Variants in ZSCAN1 observed in about 807,000 individuals in gnomAD.
ZSCAN1 encodes the protein zinc finger and SCAN domain containing 1.
A neutral mutation model predicts 23.8 loss-of-function variants in ZSCAN1; 23 were observed. The observed-to-expected ratio is 0.97, with a 90% CI of 0.70 to 1.37. The LOEUF is 1.37. ZSCAN1 is among the 40% of genes most tolerant of loss of function. ZSCAN1 has a pLI of 0.00. For missense variants in ZSCAN1, 575 were observed against 554.0 expected (o/e 1.04, Z -0.38); for synonymous variants, 236 against 232.3 (o/e 1.02, Z -0.15).
At chr19:58,036,224 C>T (rs1233739883) in intron 2 of ZSCAN1, among the ~76,000 whole-genome samples, 1 of 152,178 alleles carries the variant, frequency 6.6e-6, no homozygotes, top group African/African-American at 2.4e-5. Flanking sequence ...GTTGATCCCA[C>T]CACGTTCAAC....
Position 58,045,960 on chromosome 19 carries a change from A to G in ZSCAN1, c.465+5416A>G. On this transcript the variant is annotated intron_variant, in intron 4 of 5. Coordinates refer to ENST00000282326, the MANE Select transcript of ZSCAN1 (RefSeq NM_182572.4). This position sits in a 1 kb window ranked among gnomAD's most constrained non-coding sequence, Gnocchi z 4.3. The stretch of plus-strand genomic sequence containing the variant: ...GCAAGCAGGTGGACAAGGCCAAGCT[A>G]GAGGCCACACTGCAGGAGAAGGCGA... The G allele has an allele frequency of 1.2e-6, 1 of 801,630 alleles. No homozygotes were observed. The highest frequency in any genetic ancestry group is 2.2e-6 in the Non-Finnish European group (1 of 458,122). The allele number at this position is 801,630 out of a possible 1,614,324, so 49.7% of individuals were successfully genotyped here. A position where few individuals can be genotyped will look rare whatever the true frequency, so the allele number is the denominator to read the frequency against.
rs2123436866 is a variant in ZSCAN1, at chr19:58,047,955, T to C, written c.466-4535T>C. 6.6e-6 allele frequency among the ~76,000 whole-genome samples: 1 copy of C among 152,326 alleles called. No individual in the cohort carries two copies. The highest frequency in any genetic ancestry group is 2.1e-4 in the South Asian group (1 of 4,832). On this transcript the variant is annotated intron_variant, in intron 4 of 5. Coordinates refer to ENST00000282326, the MANE Select transcript of ZSCAN1 (RefSeq NM_182572.4). This position sits in a 1 kb window ranked among gnomAD's most constrained non-coding sequence, Gnocchi z 4.9. The stretch of plus-strand genomic sequence containing the variant: ...CCCAGCCGGCTGTGTCACACTCATA[T>C]TTTTAAGGTCAGGTTGGTTCCTGGT...
At chr19:58,054,768 T>C (rs931280931), downstream of ZSCAN1, 1 of 152,226 alleles carries the variant, frequency 6.6e-6, no homozygotes, top group African/African-American at 2.4e-5. The surrounding 1 kb of genome is among the most constrained non-coding windows in gnomAD (Gnocchi z 4.2). Context: ...CAGAATCTGC[T>C]TCCTGTCTCT....
intron 1 of ZSCAN1, among the ~76,000 whole-genome samples, chr19:58,034,765 C>T (rs1401549419): frequency 6.9e-6 from 1 of 144,416 alleles, no homozygotes; most frequent in African/African-American, 2.6e-5. Context: ...CATCCTCCCC[C>T]CAACCAGCCG....
Position 58,045,393 on chromosome 19 carries a change from A to G in ZSCAN1, c.465+4849A>G. 2.2e-6 allele frequency: 2 copies of G among 916,596 alleles called. No homozygotes were observed. Among genetic ancestry groups the G allele is most frequent in the Admixed American group, 3.4e-5 (2 of 59,134 alleles). The allele number at this position is 916,596 out of a possible 1,614,324, so 56.8% of individuals were successfully genotyped here. On this transcript the variant is annotated intron_variant, in intron 4 of 5. Transcript: ENST00000282326. This position sits in a 1 kb window ranked among gnomAD's most constrained non-coding sequence, Gnocchi z 4.3. Reference sequence around the variant, plus strand: ...GTTCCTCCAGGACACCATCCAGGAGATGGCCTTGAAGAACGAGGCAGCCAA... The same window carrying G: ...GTTCCTCCAGGACACCATCCAGGAGGTGGCCTTGAAGAACGAGGCAGCCAA...
At position 58,054,305 on chromosome 19, in the gene ZSCAN1, T is replaced by C; in HGVS notation, c.*254T>C. 1 of 417,960 alleles carries C rather than the reference T, an allele frequency of 2.4e-6. No homozygotes were observed. The highest frequency in any genetic ancestry group is 3.5e-5 in the East Asian group (1 of 28,546). 25.9% of individuals were successfully genotyped at this position (417,960 alleles called of 1,614,324 possible). ...CTGGTCAGTCCTGCGCACTATAGTT[T>C]TGCAAGTGGCTTGAAGAGGAGTTTC... On this transcript the variant is annotated 3_prime_UTR_variant, in exon 6 of 6. Coordinates refer to ENST00000282326, the MANE Select transcript of ZSCAN1 (RefSeq NM_182572.4). The surrounding 1 kb of genome is among the most constrained non-coding windows in gnomAD (Gnocchi z 4.2).
intron 1 of ZSCAN1, among the ~76,000 whole-genome samples, chr19:58,034,707 C>G (rs1176765174): frequency 7.2e-6 from 1 of 139,512 alleles, no homozygotes; most frequent in Non-Finnish European, 1.6e-5. Context: ...AGGCCCATCT[C>G]CCTCCTGAAC....
rs1033076973 is a variant in ZSCAN1 at position 58,046,174 on chromosome 19, G to A, written c.465+5630G>A. On this transcript the variant is annotated intron_variant, in intron 4 of 5. Coordinates refer to ENST00000282326, the MANE Select transcript of ZSCAN1 (RefSeq NM_182572.4). ...CCCCGTGCTAGAGGGCTTGAAGGAG[G>A]AAGAGATGACTAAGGAGGAGATCAG... is the stretch of plus-strand genomic sequence containing the variant. 1.3e-5 allele frequency: 10 copies of A among 742,100 alleles called. No individual in the cohort carries two copies. The African/African-American group carries it at 1.4e-4, about 10-fold the overall frequency. The allele number at this position is 742,100 out of a possible 1,614,324, so 46.0% of individuals were successfully genotyped here.
chr19:58,040,687 C>T lies in ZSCAN1; in HGVS notation c.465+143C>T, dbSNP rs977154362. On this transcript the variant is annotated intron_variant, in intron 4 of 5. Transcript: ENST00000282326. This position sits in a 1 kb window ranked among gnomAD's most constrained non-coding sequence, Gnocchi z 5.8. ...GGAAGCCCGGCCTCCAAACTCCCCGCCTGCCCCACAGATTCCCCAAGCTTC... is the reference window on the plus strand; with the variant it reads ...GGAAGCCCGGCCTCCAAACTCCCCGTCTGCCCCACAGATTCCCCAAGCTTC... 9.4e-6 allele frequency: 7 copies of T among 748,358 alleles called. No individual in the cohort carries two copies. The highest frequency in any genetic ancestry group is 1.7e-5 in the South Asian group (1 of 58,544). The allele number at this position is 748,358 out of a possible 1,614,324, so 46.4% of individuals were successfully genotyped here.
chr19:58,050,187 C>A (rs1358058899), intron 4 of ZSCAN1, among the ~76,000 whole-genome samples: 1 of 151,876 alleles, frequency 6.6e-6, no homozygotes, highest in Non-Finnish European at 1.5e-5. Flanking sequence ...GTAATCCCAG[C>A]ACTTTGGGAG....
rs2123423799 is a variant in ZSCAN1 at position 58,040,410 on chromosome 19, G to A, written c.371-40G>A. ...AGGCCTGGAGAATTGGGGGCTCTGGGAAGAACAGGCCCCTCTCACGATCCC... is the reference window on the plus strand; with the variant it reads ...AGGCCTGGAGAATTGGGGGCTCTGGAAAGAACAGGCCCCTCTCACGATCCC... On this transcript the variant is annotated intron_variant, in intron 3 of 5. Transcript: ENST00000282326. This position sits in a 1 kb window ranked among gnomAD's most constrained non-coding sequence, Gnocchi z 5.8. 1 of 1,605,574 alleles carries A rather than the reference G, an allele frequency of 6.2e-7. No homozygotes were observed. The highest frequency in any genetic ancestry group is 8.5e-7 in the Non-Finnish European group (1 of 1,173,264).
chr19:58,050,626 T>C (rs1014210388), intron 4 of ZSCAN1, among the ~76,000 whole-genome samples: 1 of 151,678 alleles, frequency 6.6e-6, no homozygotes, highest in African/African-American at 2.4e-5. Context: ...GTTCAAACGA[T>C]TCTCCTGCCT....
intron 4 of ZSCAN1, among the ~76,000 whole-genome samples, chr19:58,050,218 A>C (rs927165381): frequency 6.6e-6 from 1 of 151,936 alleles, no homozygotes; most frequent in African/African-American, 2.4e-5. Flanking sequence ...GTGGATCACT[A>C]GAGGTCAGGA....
downstream of ZSCAN1, among the ~76,000 whole-genome samples, chr19:58,055,369 GGAGC>G (rs1402121895): frequency 1.3e-5 from 2 of 152,066 alleles, no homozygotes. Context: ...TTGCCTTCTC[GGAGC>G]GCCCCCTAAC....
chr19:58,052,671 T>G, intron 5 of ZSCAN1, 43 bp downstream of exon 5: 1 of 1,534,638 alleles, frequency 6.5e-7, no homozygotes, highest in Non-Finnish European at 8.8e-7. Context: ...GAAATGGAGT[T>G]TGGGACTTCA....
rs537749775 is a variant in ZSCAN1 at position 58,037,869 on chromosome 19, C to G, written c.33C>G (p.Pro11=). The part of the protein sequence containing the change: MLPRPKAPAS[P]RRPQTPTPSE... ...CACGGCCCAAAGCCCCTGCCTCCCC[C>G]AGACGCCCCCAGACCCCAACCCCGA... is the stretch of plus-strand genomic sequence containing the variant. Residue 11 remains proline, a synonymous_variant, in exon 3 of 6, where the codon CCC becomes CCG. Coordinates refer to ENST00000282326, the MANE Select transcript of ZSCAN1 (RefSeq NM_182572.4). 8.0e-4 allele frequency: 1,216 copies of G among 1,529,104 alleles called. 5 individuals are homozygous for G. Among genetic ancestry groups the G allele is most frequent in the Middle Eastern group, 6.6e-3 (36 of 5,492 alleles). The allele number at this position is 1,529,104 out of a possible 1,614,324, so 94.7% of individuals were successfully genotyped here.
In ZSCAN1 at chr19:58,054,299, A is replaced by T. The variant is rs938879710; in HGVS notation, c.*248A>T. The T allele has an allele frequency of 4.6e-6, 2 of 435,958 alleles. No individual in the cohort carries two copies. The highest frequency in any genetic ancestry group is 8.0e-6 in the Non-Finnish European group (2 of 250,402). 27.0% of individuals were successfully genotyped at this position (435,958 alleles called of 1,614,324 possible). A position where few individuals can be genotyped will look rare whatever the true frequency, so the allele number is the denominator to read the frequency against. ...CACAGCCTGGTCAGTCCTGCGCACT[A>T]TAGTTTTGCAAGTGGCTTGAAGAGG... On this transcript the variant is annotated 3_prime_UTR_variant, in exon 6 of 6. Transcript: ENST00000282326. The surrounding 1 kb of genome is among the most constrained non-coding windows in gnomAD (Gnocchi z 4.2).
chr19:58,046,979 A>G (rs1884673504), intron 4 of ZSCAN1, among the ~76,000 whole-genome samples: 2 of 152,234 alleles, frequency 1.3e-5, no homozygotes, highest in South Asian at 4.1e-4. Context: ...TCCTGTCTGG[A>G]TCCACACTGT....
rs1284108293 is a variant in ZSCAN1 at position 58,045,629 on chromosome 19, T to C, written c.465+5085T>C. 1.4e-5 allele frequency: 13 copies of C among 953,056 alleles called. No homozygotes were observed. The highest frequency in any genetic ancestry group is 2.3e-5 in the Non-Finnish European group (13 of 577,358). The allele number at this position is 953,056 out of a possible 1,614,324, so 59.0% of individuals were successfully genotyped here. On this transcript the variant is annotated intron_variant, in intron 4 of 5. Coordinates refer to ENST00000282326, the MANE Select transcript of ZSCAN1 (RefSeq NM_182572.4). The surrounding 1 kb of genome is among the most constrained non-coding windows in gnomAD (Gnocchi z 4.3). ...CAGCTCACGATGCGGCTGCGCTCCA[T>C]AAAGGCAGAGGACAAGCTGTTTGCT...
Sources: allele counts gnomAD v4.1 joint callset (sites outside exome capture counted in the v4.1 genomes callset), GRCh38; gene constraint gnomAD v4.1.1; non-coding constraint Gnocchi (gnomAD v3.1); transcripts MANE v1.5; gene names NCBI Gene and HGNC (gene_info 2026-07-23, HGNC 2026-07-21).